Variants in CDH18 observed in about 807,000 individuals in gnomAD.
The protein encoded by CDH18 is cadherin-18.
In CDH18, 31 loss-of-function variants were observed where a neutral mutation model predicts 67.9. The observed-to-expected ratio is 0.46, with a 90% CI of 0.34 to 0.62. CDH18 has a LOEUF of 0.62. Ranked by LOEUF, CDH18 falls within the 20% of genes least tolerant of loss-of-function variation. The pLI, the probability that CDH18 is intolerant of heterozygous loss-of-function variation, is 0.01. For missense variants in CDH18, 890 were observed against 975.5 expected (o/e 0.91, Z 1.17); for synonymous variants, 362 against 347.2 (o/e 1.04, Z -0.48).
At chr5:20,288,006 G>C (rs937298433) in intron 1 of CDH18, among the ~76,000 whole-genome samples, 1 of 151,664 alleles carries the variant, frequency 6.6e-6, no homozygotes, top group African/African-American at 2.4e-5. Context: ...ATTTTACAAG[G>C]TCAGAAATGA....
intron 2 of CDH18, among the ~76,000 whole-genome samples, chr5:20,219,948 A>G (rs1300306718): frequency 6.6e-6 from 1 of 151,992 alleles, no homozygotes; most frequent in Non-Finnish European, 1.5e-5. Flanking sequence ...AATGAAAACT[A>G]TAAAACATTA....
chr5:19,714,150 C>A (rs1306470655), intron 5 of CDH18, among the ~76,000 whole-genome samples: 1 of 152,058 alleles, frequency 6.6e-6, no homozygotes, highest in African/African-American at 2.4e-5. Flanking sequence ...ATGTTTAAAT[C>A]CAGAAGATGA....
intron 2 of CDH18, among the ~76,000 whole-genome samples, chr5:19,862,905 G>GTA (rs1247078103): frequency 6.6e-6 from 1 of 151,648 alleles, no homozygotes; most frequent in Non-Finnish European, 1.5e-5. Context: ...GGAGAAGGGG[G>GTA]TATGCCAGGC....
At chr5:19,701,643 T>A (rs1460302413) in intron 5 of CDH18, among the ~76,000 whole-genome samples, 2 of 152,114 alleles carry the variant, frequency 1.3e-5, no homozygotes, top group African/African-American at 4.8e-5. Flanking sequence ...TTGGCTCTAT[T>A]GTCCAGCAAG....
chr5:20,133,378 C>G (rs984771500), intron 2 of CDH18, among the ~76,000 whole-genome samples: 7 of 152,080 alleles, frequency 4.6e-5, no homozygotes, highest in Non-Finnish European at 1.0e-4. Flanking sequence ...AAACCATCAG[C>G]TTTCATGAGA....
intron 1 of CDH18, among the ~76,000 whole-genome samples, chr5:20,531,049 A>T (rs559087125): frequency 2.2e-4 from 34 of 152,250 alleles, no homozygotes; most frequent in African/African-American, 5.3e-4. Flanking sequence ...AAAAAATAAA[A>T]CAAACAACCC....
intron 1 of CDH18, among the ~76,000 whole-genome samples, chr5:20,491,195 T>TTTATTATTA (rs56678208): frequency 1.5e-4 from 23 of 149,826 alleles, no homozygotes; most frequent in African/African-American, 3.4e-4. Flanking sequence ...TAGTATTTGG[T>TTTATTATTA]TTATTATTAT....
chr5:19,862,056 T>C (rs1211615265), intron 2 of CDH18, among the ~76,000 whole-genome samples: 8 of 152,148 alleles, frequency 5.3e-5, no homozygotes, highest in Non-Finnish European at 1.2e-4. Flanking sequence ...GAGAAGCCCA[T>C]GTGATCAGTA....
chr5:19,981,333 T>C (rs760705017), intron 1 of CDH18, among the ~76,000 whole-genome samples, 155 bp from the exon 2 acceptor site: 2 of 152,224 alleles, frequency 1.3e-5, no homozygotes, highest in Non-Finnish European at 2.9e-5. Context: ...GTTTCTATTA[T>C]TTCTTAACAT....
At chr5:20,410,856 G>A (rs1746713498) in intron 1 of CDH18, among the ~76,000 whole-genome samples, 1 of 151,686 alleles carries the variant, frequency 6.6e-6, no homozygotes, top group Admixed American at 6.6e-5. Flanking sequence ...ATTCACAATA[G>A]TATTAAAGGA....
chr5:20,279,773 G>A (rs892408371), intron 1 of CDH18, among the ~76,000 whole-genome samples: 1 of 138,184 alleles, frequency 7.2e-6, no homozygotes, highest in East Asian at 2.3e-4. Flanking sequence ...AATAACAGCT[G>A]CAGAGTTCAA....
At chr5:20,304,950 C>T (rs1348617608) in intron 1 of CDH18, 26 of 1,613,726 alleles carry the variant, frequency 1.6e-5, no homozygotes, top group Non-Finnish European at 2.2e-5. Context: ...TCCAATCCCG[C>T]ACGGAGCAGT....
At chr5:20,565,343 G>A (rs1336103188) in intron 1 of CDH18, among the ~76,000 whole-genome samples, 1 of 151,996 alleles carries the variant, frequency 6.6e-6, no homozygotes, top group South Asian at 2.1e-4. Flanking sequence ...TATAATCATT[G>A]GCTAACAGCA....
intron 2 of CDH18, among the ~76,000 whole-genome samples, chr5:19,887,470 A>G (rs1788334929): frequency 6.6e-6 from 1 of 152,054 alleles, no homozygotes; most frequent in South Asian, 2.1e-4. Context: ...TTTACGTTCT[A>G]TTTAAGAAAC....
intron 2 of CDH18, among the ~76,000 whole-genome samples, chr5:19,970,893 T>C (rs1797960267): frequency 6.6e-6 from 1 of 151,568 alleles, no homozygotes; most frequent in Non-Finnish European, 1.5e-5. Context: ...CAGAAAACTT[T>C]TTAAAAACAG....
chr5:19,853,099 A>G (rs532949737), intron 2 of CDH18, among the ~76,000 whole-genome samples: 7 of 152,258 alleles, frequency 4.6e-5, no homozygotes, highest in African/African-American at 1.7e-4. Context: ...TCATAACAAA[A>G]CACCATAGTG....
At chr5:20,176,198 T>C in intron 2 of CDH18, among the ~76,000 whole-genome samples, 1 of 152,276 alleles carries the variant, frequency 6.6e-6, no homozygotes, top group African/African-American at 2.4e-5. Context: ...CAAGCCTCTC[T>C]GGGACTTCAC....
chr5:19,510,110 A>C (rs890934289), intron 10 of CDH18, among the ~76,000 whole-genome samples: 5 of 152,176 alleles, frequency 3.3e-5, no homozygotes, highest in Non-Finnish European at 7.3e-5. Flanking sequence ...TGAAAGAGGA[A>C]CAGTCACACA....
intron 1 of CDH18, among the ~76,000 whole-genome samples, chr5:20,380,151 G>C (rs1743799720): frequency 6.6e-6 from 1 of 152,086 alleles, no homozygotes; most frequent in Non-Finnish European, 1.5e-5. Flanking sequence ...AAATATATTT[G>C]TCCATTTAAT....
Sources: allele counts gnomAD v4.1 joint callset (sites outside exome capture counted in the v4.1 genomes callset), GRCh38; gene constraint gnomAD v4.1.1; transcripts MANE v1.5; gene names NCBI Gene and HGNC (gene_info 2026-07-23, HGNC 2026-07-21).